The following RPTOR variants were observed in gnomAD, a reference collection of about 807,000 sequenced individuals.
RPTOR encodes regulatory-associated protein of mTOR.
RPTOR carries 21 observed loss-of-function variants against 169.9 expected under a neutral mutation model. The observed-to-expected ratio is 0.12, with a 90% CI of 0.09 to 0.18. RPTOR has a LOEUF of 0.18. Ranked by LOEUF, RPTOR falls within the 10% of genes least tolerant of loss-of-function variation. The probability of loss-of-function intolerance (pLI) is 1.00; values close to 1 mark genes in which losing one functional copy is unlikely to be tolerated. For synonymous variants in RPTOR, 732 were observed against 753.2 expected (o/e 0.97, Z 0.46); for missense variants, 1,133 against 1,855.9 (o/e 0.61, Z 7.16).
At chr17:80,945,587 G>A (rs17848707) in intron 25 of RPTOR, 80 bp from the exon 26 acceptor site, 311,116 of 900,916 alleles carry the variant, frequency 0.35, 56,043 homozygotes, top group East Asian at 0.48. Context: ...GCGAGACTCC[G>A]TCTCAAAAAA....
rs373080947 is a variant in RPTOR, at chr17:80,923,892, T to A, written c.2808+219T>A. ...TGCACTCCTTAGGAGCACTGCTGGGTGTGTCCCGGTCCCTCTGCCTGCACT... is the reference window on the plus strand; with the variant it reads ...TGCACTCCTTAGGAGCACTGCTGGGAGTGTCCCGGTCCCTCTGCCTGCACT... On this transcript the variant is annotated intron_variant, in intron 23 of 33. Transcript: ENST00000306801. The A allele has an allele frequency of 1.1e-4, 61 of 564,026 alleles. No individual in the cohort carries two copies. In the African/African-American group the frequency reaches 1.3e-3, roughly 12 times the overall value. The allele number at this position is 564,026 out of a possible 1,614,324, so 34.9% of individuals were successfully genotyped here.
intron 3 of RPTOR, among the ~76,000 whole-genome samples, chr17:80,661,579 C>G (rs1053152620): frequency 6.6e-6 from 1 of 152,166 alleles, no homozygotes; most frequent in African/African-American, 2.4e-5. Context: ...TTGGGCTGTT[C>G]TGCTCTGCTT....
chr17:80,964,196 C>G lies in RPTOR; in HGVS notation c.3940-66C>G, dbSNP rs1258028954. Reference sequence around the variant, plus strand: ...GCCTAAGGATGCGGGTTGGCCTGCGCCCCCCCGCCCCCCGCAGTGTCTGCC... The same window carrying G: ...GCCTAAGGATGCGGGTTGGCCTGCGGCCCCCCGCCCCCCGCAGTGTCTGCC... On this transcript the variant is annotated intron_variant, in intron 33 of 33. Transcript: ENST00000306801. The G allele has an allele frequency of 4.6e-4, 461 of 1,008,232 alleles. 1 individual carries two copies. Among genetic ancestry groups the G allele is most frequent in the Non-Finnish European group, 6.4e-4 (419 of 658,738 alleles). 62.5% of individuals were successfully genotyped at this position (1,008,232 alleles called of 1,614,324 possible).
At chr17:80,842,040 A>G (rs1196653607) in intron 10 of RPTOR, among the ~76,000 whole-genome samples, 20 of 141,962 alleles carry the variant, frequency 1.4e-4, no homozygotes, top group Non-Finnish European at 2.5e-4. Flanking sequence ...CACTCTCACC[A>G]CACGGCAGCT....
intron 7 of RPTOR, among the ~76,000 whole-genome samples, chr17:80,818,408 T>A (rs1809348701): frequency 6.6e-6 from 1 of 152,188 alleles, no homozygotes; most frequent in African/African-American, 2.4e-5. Context: ...ATGGACAACA[T>A]ACACCAATAG....
chr17:80,769,668 G>A (rs1040331865), intron 6 of RPTOR, among the ~76,000 whole-genome samples: 8 of 152,184 alleles, frequency 5.3e-5, no homozygotes, highest in Non-Finnish European at 7.3e-5. Context: ...CATCACTGCT[G>A]TTGGGGTGTC....
chr17:80,627,839 T>G (rs1470625562), intron 2 of RPTOR, among the ~76,000 whole-genome samples: 2 of 150,296 alleles, frequency 1.3e-5, no homozygotes, highest in African/African-American at 2.4e-5. Flanking sequence ...TGTTTAAATT[T>G]TTTTTTTTTT....
chr17:80,639,643 G>T (rs949578697), intron 2 of RPTOR, among the ~76,000 whole-genome samples: 4 of 152,230 alleles, frequency 2.6e-5, no homozygotes, highest in Admixed American at 2.6e-4. Flanking sequence ...GGACTGAGAA[G>T]AGAAAGACTA....
intron 7 of RPTOR, among the ~76,000 whole-genome samples, chr17:80,816,039 C>A (rs530436747): frequency 6.6e-6 from 1 of 152,252 alleles, no homozygotes; most frequent in African/African-American, 2.4e-5. Flanking sequence ...GTCGGAGAGC[C>A]ACTGGGCTCT....
chr17:80,684,573 T>C (rs2065922511), intron 3 of RPTOR, among the ~76,000 whole-genome samples: 1 of 151,786 alleles, frequency 6.6e-6, no homozygotes, highest in South Asian at 2.1e-4. Context: ...GCCTCCCGAG[T>C]AGCTGGGACT....
chr17:80,871,532 A>C (rs2068052584), intron 13 of RPTOR, among the ~76,000 whole-genome samples: 1 of 152,172 alleles, frequency 6.6e-6, no homozygotes, highest in South Asian at 2.1e-4. Flanking sequence ...GGCTGAGGTC[A>C]GGCGTCCCCC....
chr17:80,596,916 C>T (rs914914642), intron 1 of RPTOR, among the ~76,000 whole-genome samples: 1 of 152,154 alleles, frequency 6.6e-6, no homozygotes, highest in African/African-American at 2.4e-5. Context: ...GTTTTTAAGG[C>T]CTGGAGCTTT....
At chr17:80,876,334 G>A (rs368451781) in intron 13 of RPTOR, among the ~76,000 whole-genome samples, 6 of 58,188 alleles carry the variant, frequency 1.0e-4, no homozygotes, top group African/African-American at 2.0e-4. Context: ...TGTGTGTGTC[G>A]CCTGCCGGGT....
chr17:80,618,979 C>G (rs1054187312), intron 1 of RPTOR, among the ~76,000 whole-genome samples: 1 of 152,182 alleles, frequency 6.6e-6, no homozygotes. Context: ...TTACCCGCCT[C>G]CCCTTCCCTG....
intron 21 of RPTOR, among the ~76,000 whole-genome samples, chr17:80,920,688 C>T (rs955275393): frequency 2.0e-5 from 3 of 152,252 alleles, no homozygotes; most frequent in African/African-American, 7.2e-5. Flanking sequence ...GGCCCCAGCC[C>T]AGCAGCGCCT....
intron 3 of RPTOR, among the ~76,000 whole-genome samples, chr17:80,702,885 C>G (rs2066113030): frequency 6.6e-6 from 1 of 152,176 alleles, no homozygotes; most frequent in African/African-American, 2.4e-5. Flanking sequence ...CTTCAGCAAT[C>G]CTAGTTCGAT....
rs1237301343 is a variant in RPTOR, at chr17:80,963,039, G to C, written c.3921G>C (p.Leu1307=). 30 of 1,597,926 alleles carry C rather than the reference G, an allele frequency of 1.9e-5. No individual in the cohort carries two copies. The highest frequency in any genetic ancestry group is 2.6e-5 in the Non-Finnish European group (30 of 1,171,880). Residue 1307 remains leucine (L), a synonymous_variant, in exon 33 of 34, where the codon CTG becomes CTC. Coordinates refer to ENST00000306801, the MANE Select transcript of RPTOR (RefSeq NM_020761.3). ...AGCGGGTCGGCGCCATCAGCTGCCT[G>C]GCCTTCCACCCGCACTGGGTCAGTG... The part of the protein sequence containing the change: ...MGQRVGAISC[L]AFHPHWPHLA...
At chr17:80,561,131 T>C (rs1473084340) in intron 1 of RPTOR, among the ~76,000 whole-genome samples, 1 of 150,562 alleles carries the variant, frequency 6.6e-6, no homozygotes, top group African/African-American at 2.5e-5. Context: ...AGTGCAGTGG[T>C]GTGATCTCGG....
At chr17:80,773,505 T>A (rs1322633740) in intron 6 of RPTOR, among the ~76,000 whole-genome samples, 1 of 152,170 alleles carries the variant, frequency 6.6e-6, no homozygotes, top group Non-Finnish European at 1.5e-5. Flanking sequence ...GGACTTAAAG[T>A]TTGTTGGAAA....
Sources: gnomAD v4.1 joint callset for allele counts (sites outside exome capture counted in the v4.1 genomes callset) on GRCh38, gnomAD v4.1.1 for gene constraint, MANE v1.5 for transcripts, NCBI Gene and HGNC (gene_info 2026-07-23, HGNC 2026-07-21) for gene names.